Variants in SART1 observed in about 807,000 individuals in gnomAD.
SART1 encodes spliceosome associated factor 1, recruiter of U4/U6.U5 tri-snRNP.
In SART1, 28 loss-of-function variants were observed where a neutral mutation model predicts 105.0. That is an observed-to-expected ratio of 0.27 (90% CI 0.20 to 0.37). The LOEUF (loss-of-function observed/expected upper bound fraction) is 0.37, where lower values mean the gene tolerates loss of function less well. Ranked by LOEUF, SART1 falls within the 10% of genes least tolerant of loss-of-function variation. SART1 has a pLI of 1.00. For missense variants in SART1, 894 were observed against 1,106.5 expected, an observed-to-expected ratio of 0.81 and a Z score of 2.72; for synonymous variants, 472 against 462.9, an observed-to-expected ratio of 1.02 and a Z score of -0.25.
intron 12 of SART1, among the ~76,000 whole-genome samples, chr11:65,971,044 G>A (rs75665959): frequency 1.2e-4 from 2 of 16,808 alleles, no homozygotes; most frequent in African/African-American, 1.8e-4. Flanking sequence ...GAGGAGGGGG[G>A]TGGTGGGATT....
At chr11:65,966,596 C>G in intron 9 of SART1, 40 bp downstream of exon 9, 3 of 1,451,188 alleles carry the variant, frequency 2.1e-6, no homozygotes, top group Non-Finnish European at 2.7e-6. Flanking sequence ...TCAAGATTCT[C>G]CCTCCCTCTG....
At chr11:65,973,006 T>TAA (rs370491203) in intron 12 of SART1, among the ~76,000 whole-genome samples, 2 of 151,716 alleles carry the variant, frequency 1.3e-5, no homozygotes, top group African/African-American at 4.8e-5. Flanking sequence ...CTGTCTCTAC[T>TAA]AAAAAAAATA....
Position 65,977,032 on chromosome 11 carries a change from A to G in SART1, c.1876A>G (p.Thr626Ala), listed in dbSNP as rs1259511686. 6.2e-7 allele frequency: 1 copy of G among 1,613,918 alleles called. No individual in the cohort carries two copies. The highest frequency in any genetic ancestry group is 1.7e-5 in the Admixed American group (1 of 60,006). ...CCCGTAGTTCTCTGCTTCCTCCACCACCATCCTGGACGAGGAACCGATCGT... is the reference window on the plus strand; with the variant it reads ...CCCGTAGTTCTCTGCTTCCTCCACCGCCATCCTGGACGAGGAACCGATCGT... The part of the protein sequence containing the change: ...QQQDFSASST[T>A]ILDEEPIVNR... The change falls in exon 15 of 20, where the codon ACC (threonine) becomes GCC (alanine). Residue 626 changes from threonine (T) to alanine (A), a missense_variant. Physicochemically the swap from Thr to Ala is moderately conservative, Grantham distance 58. Coordinates refer to ENST00000312397, the MANE Select transcript of SART1 (RefSeq NM_005146.5).
At position 65,977,101 on chromosome 11, in the gene SART1, G is replaced by T; in HGVS notation, c.1945G>T (p.Gly649Trp). 6.2e-7 allele frequency: 1 copy of T among 1,612,294 alleles called. No homozygotes were observed. Residue 649 changes from glycine (G) to tryptophan (W), a missense_variant and splice_region_variant, in exon 15 of 20, where the codon GGG (glycine) becomes TGG (tryptophan). Coordinates refer to ENST00000312397, the MANE Select transcript of SART1 (RefSeq NM_005146.5). ...AAALLLCQNK[G>W]LLETTVQKVA... Reference sequence around the variant, plus strand: ...TGCCCTGCTCCTGTGTCAGAACAAAGGTAGGGAGCTCAGGGCAGCCATGAC... The same window carrying T: ...TGCCCTGCTCCTGTGTCAGAACAAATGTAGGGAGCTCAGGGCAGCCATGAC...
chr11:65,964,944 C>T (rs1855216824), intron 3 of SART1, 148 bp from the exon 4 acceptor site: 6 of 1,047,084 alleles, frequency 5.7e-6, no homozygotes, highest in African/African-American at 4.8e-5. Flanking sequence ...AGTGTGGGGA[C>T]GAAGTGGGAG....
chr11:65,972,491 G>T (rs957814035), intron 12 of SART1, among the ~76,000 whole-genome samples: 3 of 152,154 alleles, frequency 2.0e-5, no homozygotes, highest in African/African-American at 2.4e-5. Flanking sequence ...TGGTAGAAAA[G>T]ATTTTTTAAG....
intron 1 of SART1, 40 bp downstream of exon 1, chr11:65,962,133 G>GGGGGGGGGGGGGGGCGCC: frequency 2.9e-6 from 1 of 340,638 alleles, no homozygotes; most frequent in East Asian, 1.2e-4. Context: ...GGTCGGGCGG[G>GGGGGGGGGGGGGGGCGCC]GGTCCCGGAA....
At chr11:65,977,482 A>G in intron 15 of SART1, 81 bp from the exon 16 acceptor site, 1 of 1,192,426 alleles carries the variant, frequency 8.4e-7, no homozygotes, top group Non-Finnish European at 1.2e-6. Flanking sequence ...GTGCCCCCAC[A>G]GGGCCTGCTC....
At chr11:65,966,965 G>A (rs1388368195) in intron 9 of SART1, among the ~76,000 whole-genome samples, 4 of 152,108 alleles carry the variant, frequency 2.6e-5, no homozygotes, top group African/African-American at 4.8e-5. Flanking sequence ...GACAGCTGGC[G>A]CGGTAGGCGT....
At chr11:65,962,134 G>GGGGGGGGGGGGGGGGCCCCCC in intron 1 of SART1, 41 bp downstream of exon 1, 1 of 378,092 alleles carries the variant, frequency 2.6e-6, no homozygotes, top group Non-Finnish European at 4.8e-6. Context: ...GTCGGGCGGG[G>GGGGGGGGGGGGGGGGCCCCCC]GTCCCGGAAC....
Position 65,965,294 on chromosome 11 carries a change from G to A in SART1, c.555-48G>A, listed in dbSNP as rs776704509. 38 of 1,602,866 alleles carry A rather than the reference G, an allele frequency of 2.4e-5. No individual in the cohort carries two copies. In the South Asian group the frequency reaches 3.0e-4, roughly 13 times the overall value. On this transcript the variant is annotated intron_variant, in intron 4 of 19. Coordinates refer to ENST00000312397, the MANE Select transcript of SART1 (RefSeq NM_005146.5). ...TCCTTGGCTGCCTCTTGAGTGGGGT[G>A]GGGAGCAGGAGCTGGGCTCCTTGAG...
rs1467575274 is a variant in SART1, at chr11:65,962,108, C to T, written c.313+15C>T. ...CTACGAGGCCGGTGAGGAGGCGGGG[C>T]CTGCGCAGGGGGCGGGTCGGGCGGG... On this transcript the variant is annotated intron_variant, in intron 1 of 19. Transcript: ENST00000312397. 6 of 531,882 alleles carry T rather than the reference C, an allele frequency of 1.1e-5. No individual in the cohort carries two copies. The highest frequency in any genetic ancestry group is 1.4e-5 in the Non-Finnish European group (5 of 357,458). 32.9% of individuals were successfully genotyped at this position (531,882 alleles called of 1,614,324 possible). A position where few individuals can be genotyped will look rare whatever the true frequency, so the allele number is the denominator to read the frequency against.
chr11:65,967,130 T>C, intron 9 of SART1, 129 bp from the exon 10 acceptor site: 3 of 1,320,682 alleles, frequency 2.3e-6, no homozygotes, highest in Non-Finnish European at 2.1e-6. Flanking sequence ...CACATGTTGC[T>C]CATGTGTGGG....
Position 65,978,810 on chromosome 11 carries a change from CT to C in SART1, c.2281del (p.Ser761ProfsTer33). On this transcript the variant is annotated frameshift_variant, in exon 19 of 20. Coordinates refer to ENST00000312397, the MANE Select transcript of SART1 (RefSeq NM_005146.5). LOFTEE classifies it high-confidence loss of function. This position sits in a 1 kb window ranked among gnomAD's most constrained non-coding sequence, Gnocchi z 6.8. ...DEEALLKKMS[S>X]SDTPLGTVAL... ...CCCCTCAGCTCCTGAAGAAGATGAG[CT>C]CCAGCGACACGCCCCTGGGCACCGT... 1 of 1,614,042 alleles carries C rather than the reference CT, an allele frequency of 6.2e-7. No homozygotes were observed. Among genetic ancestry groups the C allele is most frequent in the Non-Finnish European group, 8.5e-7 (1 of 1,179,976 alleles).
intron 12 of SART1, among the ~76,000 whole-genome samples, chr11:65,969,345 T>C (rs1855324703): frequency 6.6e-6 from 1 of 152,122 alleles, no homozygotes; most frequent in Non-Finnish European, 1.5e-5. Flanking sequence ...AACAGAGAAA[T>C]GGAGCAATAG....
At chr11:65,966,914 C>A (rs536495080) in intron 9 of SART1, among the ~76,000 whole-genome samples, 1 of 152,122 alleles carries the variant, frequency 6.6e-6, no homozygotes, top group Non-Finnish European at 1.5e-5. Flanking sequence ...GAGAGGTGTG[C>A]GTGGATTCTG....
Position 65,976,328 on chromosome 11 carries a change from G to A in SART1, c.1573-67G>A, listed in dbSNP as rs1028150580. ...GGCTGCTGCCAGGGAGGACCCTTAGGTTCCTGGGTCTCAATGGCATCACCC... is the reference window on the plus strand; with the variant it reads ...GGCTGCTGCCAGGGAGGACCCTTAGATTCCTGGGTCTCAATGGCATCACCC... On this transcript the variant is annotated intron_variant, in intron 12 of 19. Transcript: ENST00000312397. The surrounding 1 kb of genome is among the most constrained non-coding windows in gnomAD (Gnocchi z 5.1). 2.3e-5 allele frequency: 33 copies of A among 1,444,548 alleles called. No homozygotes were observed. The highest frequency in any genetic ancestry group is 2.9e-5 in the Non-Finnish European group (32 of 1,094,874). The allele number at this position is 1,444,548 out of a possible 1,614,324, so 89.5% of individuals were successfully genotyped here. A position where few individuals can be genotyped will look rare whatever the true frequency, so the allele number is the denominator to read the frequency against.
Position 65,967,242 on chromosome 11 carries a change from G to T in SART1, c.1189-17G>T. The T allele has an allele frequency of 6.2e-7, 1 of 1,612,096 alleles. No homozygotes were observed. The highest frequency in any genetic ancestry group is 8.5e-7 in the Non-Finnish European group (1 of 1,178,964). ...TTCTGTGGCCCCCGCTCCATGTCTC[G>T]CCCCTCTTCCCTTAAGGTGACCTTT... On this transcript the variant is annotated splice_polypyrimidine_tract_variant and intron_variant, in intron 9 of 19. Coordinates refer to ENST00000312397, the MANE Select transcript of SART1 (RefSeq NM_005146.5).
At chr11:65,972,801 C>A (rs559830933) in intron 12 of SART1, among the ~76,000 whole-genome samples, 148 of 147,750 alleles carry the variant, frequency 1.0e-3, no homozygotes, top group African/African-American at 1.8e-3. Context: ...AAAAAAAAAA[C>A]CAAGAAACCC....
Sources: gnomAD v4.1 joint callset for allele counts (sites outside exome capture counted in the v4.1 genomes callset) on GRCh38, gnomAD v4.1.1 for gene constraint, Gnocchi (gnomAD v3.1) non-coding constraint, MANE v1.5 for transcripts, NCBI Gene and HGNC (gene_info 2026-07-23, HGNC 2026-07-21) for gene names.